Variants in TNFAIP2 observed in about 807,000 individuals in gnomAD.
The protein encoded by TNFAIP2 is tumor necrosis factor alpha-induced protein 2.
Under a neutral mutation model 63.5 loss-of-function variants are expected in TNFAIP2, and 47 were observed. The observed-to-expected ratio is 0.74, with a 90% confidence interval of 0.59 to 0.94. TNFAIP2 has a LOEUF of 0.94. Ranked by LOEUF, TNFAIP2 falls within the 40% of genes least tolerant of loss-of-function variation. The pLI is 0.00. For synonymous variants in TNFAIP2, 405 were observed against 390.2 expected (o/e 1.04, Z -0.45); for missense variants, 787 against 850.2 (o/e 0.93, Z 0.92).
Position 103,135,727 on chromosome 14 carries a change from T to C in TNFAIP2, c.*367T>C. Reference sequence around the variant, plus strand: ...GCCCCTCCACAGTCGGCCTCATGACTGTCCTCCTCGTGGGTGGGGCCGAGG... The same window carrying C: ...GCCCCTCCACAGTCGGCCTCATGACCGTCCTCCTCGTGGGTGGGGCCGAGG... On this transcript the variant is annotated 3_prime_UTR_variant, in exon 12 of 12. Coordinates refer to ENST00000560869, the MANE Select transcript of TNFAIP2 (RefSeq NM_006291.4). The surrounding 1 kb of genome is among the most constrained non-coding windows in gnomAD (Gnocchi z 7.6). 1 of 1,253,582 alleles carries C rather than the reference T, an allele frequency of 8.0e-7. No individual in the cohort carries two copies. The highest frequency in any genetic ancestry group is 1.0e-6 in the Non-Finnish European group (1 of 976,724). The allele number at this position is 1,253,582 out of a possible 1,614,324, so 77.7% of individuals were successfully genotyped here. A position where few individuals can be genotyped will look rare whatever the true frequency, so the allele number is the denominator to read the frequency against.
upstream of TNFAIP2, among the ~76,000 whole-genome samples, chr14:103,122,178 C>CATCCTGGCGGCCTCCT (rs1891133120): frequency 6.6e-6 from 1 of 151,956 alleles, no homozygotes; most frequent in Non-Finnish European, 1.5e-5. Flanking sequence ...GGCGGCCTCC[C>CATCCTGGCGGCCTCCT]GCATCCGCTC....
rs200141678 is a variant in TNFAIP2, at chr14:103,133,425, C to T, written c.1609C>T (p.Arg537Cys). 189 of 1,613,944 alleles carry T rather than the reference C, an allele frequency of 1.2e-4. No homozygotes were observed. Among genetic ancestry groups the T allele is most frequent in the Admixed American group, 7.0e-4 (42 of 60,032 alleles). The change falls in exon 10 of 12, where the codon CGC becomes TGC. Residue 537 changes from arginine (R) to cysteine (C), a missense_variant. Physicochemically the swap from Arg to Cys is radical, Grantham distance 180. Coordinates refer to ENST00000560869, the MANE Select transcript of TNFAIP2 (RefSeq NM_006291.4). ...KEYIIQLSKG[R>C]LVLKTAEQQQ... ...GTACATCATCCAACTCAGCAAGGGG[C>T]GCCTGGTCCTCAAGACGGCCGAGCA... is the stretch of plus-strand genomic sequence containing the variant.
At chr14:103,130,626 G>A (rs547840377) in intron 6 of TNFAIP2, among the ~76,000 whole-genome samples, 2 of 152,226 alleles carry the variant, frequency 1.3e-5, no homozygotes, top group East Asian at 3.9e-4. Flanking sequence ...AGCCTCTTGC[G>A]CCCACCCCAT....
At chr14:103,130,158 C>T (rs370398255) in intron 5 of TNFAIP2, 34 bp downstream of exon 5, 4 of 1,599,552 alleles carry the variant, frequency 2.5e-6, no homozygotes, top group Non-Finnish European at 3.4e-6. Context: ...CACGTACCGC[C>T]CGTGCACGTG....
In TNFAIP2 at chr14:103,135,562, G is replaced by T; in HGVS notation, c.*202G>T. The T allele has an allele frequency of 1.4e-6, 2 of 1,429,680 alleles. No homozygotes were observed. Among genetic ancestry groups the T allele is most frequent in the Admixed American group, 2.9e-5 (1 of 34,506 alleles). 88.6% of individuals were successfully genotyped at this position (1,429,680 alleles called of 1,614,324 possible). On this transcript the variant is annotated 3_prime_UTR_variant, in exon 12 of 12. Coordinates refer to ENST00000560869, the MANE Select transcript of TNFAIP2 (RefSeq NM_006291.4). This position sits in a 1 kb window ranked among gnomAD's most constrained non-coding sequence, Gnocchi z 7.6. ...TGGTTTGTTTACATGTCCGATGGGG[G>T]CAGGAGCTCCCATCCTGGGCAGCCA... is the stretch of plus-strand genomic sequence containing the variant.
Position 103,127,714 on chromosome 14 carries a change from C to G in TNFAIP2, c.860+85C>G. On this transcript the variant is annotated intron_variant, in intron 3 of 11. Transcript: ENST00000560869. The surrounding 1 kb of genome is among the most constrained non-coding windows in gnomAD (Gnocchi z 5.1). ...GTCGAGGGGTGTCGAGGTGTGCCGC[C>G]GGCAGCTTTTAGTGAGGTCGGTGTT... 10 of 1,376,536 alleles carry G rather than the reference C, an allele frequency of 7.3e-6. No individual in the cohort carries two copies. The highest frequency in any genetic ancestry group is 9.4e-6 in the Non-Finnish European group (10 of 1,062,152). The allele number at this position is 1,376,536 out of a possible 1,614,324, so 85.3% of individuals were successfully genotyped here.
intron 11 of TNFAIP2, 114 bp downstream of exon 11, chr14:103,133,917 A>T (rs1022812399): frequency 1.5e-6 from 2 of 1,344,838 alleles, no homozygotes; most frequent in Non-Finnish European, 2.0e-6. Context: ...TCACTGTGTG[A>T]ACCTCACCAG....
chr14:103,121,896 G>A (rs897700789), upstream of TNFAIP2, among the ~76,000 whole-genome samples: 5 of 151,534 alleles, frequency 3.3e-5, no homozygotes, highest in African/African-American at 1.2e-4. Context: ...TGAGGGGGTG[G>A]GGTGGGGGAA....
intron 1 of TNFAIP2, among the ~76,000 whole-genome samples, chr14:103,124,983 C>T (rs948105338): frequency 6.6e-6 from 1 of 152,156 alleles, no homozygotes. Flanking sequence ...GTGGAGGCAG[C>T]GGGGCCATGG....
In TNFAIP2 at chr14:103,131,900, C is replaced by T. The variant is rs1035396552; in HGVS notation, c.1422+138C>T. Reference sequence around the variant, plus strand: ...CCAGGCCTGTGGACGGCACCGTGGGCCAGCTCTGGTGCAGCGGTGATGCCC... The same window carrying T: ...CCAGGCCTGTGGACGGCACCGTGGGTCAGCTCTGGTGCAGCGGTGATGCCC... On this transcript the variant is annotated intron_variant, in intron 8 of 11. Coordinates refer to ENST00000560869, the MANE Select transcript of TNFAIP2 (RefSeq NM_006291.4). This position sits in a 1 kb window ranked among gnomAD's most constrained non-coding sequence, Gnocchi z 4.0. The T allele has an allele frequency of 1.6e-6, 2 of 1,266,988 alleles. No homozygotes were observed. The highest frequency in any genetic ancestry group is 2.1e-6 in the Non-Finnish European group (2 of 940,576). 78.5% of individuals were successfully genotyped at this position (1,266,988 alleles called of 1,614,324 possible). A position where few individuals can be genotyped will look rare whatever the true frequency, so the allele number is the denominator to read the frequency against.
chr14:103,135,361 C>A lies in TNFAIP2; in HGVS notation c.*1C>A. 6.2e-7 allele frequency: 1 copy of A among 1,601,398 alleles called. No individual in the cohort carries two copies. ...ATTTTCCCTTATAAAGGTTGGTTAG[C>A]TTTTCCTGTGGCCTGACCTGCCTGT... On this transcript the variant is annotated 3_prime_UTR_variant, in exon 12 of 12. Coordinates refer to ENST00000560869, the MANE Select transcript of TNFAIP2 (RefSeq NM_006291.4). This position sits in a 1 kb window ranked among gnomAD's most constrained non-coding sequence, Gnocchi z 7.6.
At position 103,129,824 on chromosome 14, in the gene TNFAIP2, G is replaced by T. The variant is rs779933880; in HGVS notation, c.945G>T (p.Leu315=). ...GSLLPPRQIR[L]LEATFLSSEA... ...TCCTGCCCCCCAGGCAGATCCGACT[G>T]CTGGAGGCCACATTCCTGTCCAGTG... is the stretch of plus-strand genomic sequence containing the variant. Residue 315 remains leucine (L), a synonymous_variant, in exon 4 of 12, where the codon CTG becomes CTT. Transcript: ENST00000560869. 3 of 1,614,044 alleles carry T rather than the reference G, an allele frequency of 1.9e-6. No individual in the cohort carries two copies. Among genetic ancestry groups the T allele is most frequent in the Non-Finnish European group, 2.5e-6 (3 of 1,179,958 alleles).
rs1289995107 is a variant in TNFAIP2 at position 103,126,960 on chromosome 14, G to A, written c.236-45G>A. ...CTTGGCGCTGGCCGCCCCGCCCGGT[G>A]GGCGGTGGGCTGGGGCCGGGGCTGA... On this transcript the variant is annotated intron_variant, in intron 2 of 11. Coordinates refer to ENST00000560869, the MANE Select transcript of TNFAIP2 (RefSeq NM_006291.4). 1.1e-5 allele frequency: 14 copies of A among 1,272,926 alleles called. 1 individual carries two copies. The highest frequency in any genetic ancestry group is 4.1e-5 in the Admixed American group (1 of 24,526). 78.9% of individuals were successfully genotyped at this position (1,272,926 alleles called of 1,614,324 possible). A position where few individuals can be genotyped will look rare whatever the true frequency, so the allele number is the denominator to read the frequency against.
intron 11 of TNFAIP2, among the ~76,000 whole-genome samples, chr14:103,134,634 A>G (rs1028336060): frequency 7.5e-6 from 1 of 133,224 alleles, no homozygotes; most frequent in African/African-American, 3.0e-5. Flanking sequence ...CCATGCTCCC[A>G]TCCCTCCACC....
upstream of TNFAIP2, chr14:103,122,664 T>A (rs895819741): frequency 2.2e-6 from 1 of 455,996 alleles, no homozygotes; most frequent in Admixed American, 2.3e-5. Flanking sequence ...CTGCGCTGAA[T>A]GGGCAAAGCC....
chr14:103,132,661 G>A (rs1469262788), intron 8 of TNFAIP2, 89 bp from the exon 9 acceptor site: 1 of 1,525,378 alleles, frequency 6.6e-7, no homozygotes, highest in East Asian at 2.4e-5. Context: ...ATGTGTCGGT[G>A]TGTGTCTGTG....
In TNFAIP2 at chr14:103,136,446, G is replaced by T. The variant is rs187141897; in HGVS notation, c.*1086G>T. The stretch of plus-strand genomic sequence containing the variant: ...TTGACTTCAGGCTCCTCCATCTTCA[G>T]AGCCAGCTGTGGGTAGTTGAATCTT... On this transcript the variant is annotated 3_prime_UTR_variant, in exon 12 of 12. Coordinates refer to ENST00000560869, the MANE Select transcript of TNFAIP2 (RefSeq NM_006291.4). The T allele has an allele frequency of 6.6e-6, 1 of 152,434 alleles. No homozygotes were observed. Among genetic ancestry groups the T allele is most frequent in the Admixed American group, 6.5e-5 (1 of 15,288 alleles). 9.4% of individuals were successfully genotyped at this position (152,434 alleles called of 1,614,324 possible).
Position 103,131,025 on chromosome 14 carries a change from T to G in TNFAIP2, c.1200-27T>G. 2.5e-6 allele frequency: 4 copies of G among 1,612,226 alleles called. No individual in the cohort carries two copies. Among genetic ancestry groups the G allele is most frequent in the Non-Finnish European group, 3.4e-6 (4 of 1,178,508 alleles). ...GTGGTCCCAGTGTTTGGGCTGGTCC[T>G]GAATGTGCCCCTTCTGGTTTCGCCA... On this transcript the variant is annotated intron_variant, in intron 6 of 11. Transcript: ENST00000560869. This position sits in a 1 kb window ranked among gnomAD's most constrained non-coding sequence, Gnocchi z 4.0.
rs1380923582 is a variant in TNFAIP2, at chr14:103,127,207, G to A, written c.438G>A (p.Ala146=). ...VLGVLRRPLE[A]PPERLRQALA... ...GCGTGCTGCGGCGGCCGCTGGAGGC[G>A]CCGCCCGAGCGGCTGCGCCAGGCGC... The change falls in exon 3 of 12, where the codon GCG becomes GCA. Residue 146 remains alanine (A), a synonymous_variant. Transcript: ENST00000560869. The surrounding 1 kb of genome is among the most constrained non-coding windows in gnomAD (Gnocchi z 5.1). The A allele has an allele frequency of 1.8e-6, 2 of 1,112,724 alleles. No individual in the cohort carries two copies. The highest frequency in any genetic ancestry group is 2.2e-6 in the Non-Finnish European group (2 of 907,680). The allele number at this position is 1,112,724 out of a possible 1,614,324, so 68.9% of individuals were successfully genotyped here.
Sources: gnomAD v4.1 joint callset for allele counts (sites outside exome capture counted in the v4.1 genomes callset) on GRCh38, gnomAD v4.1.1 for gene constraint, Gnocchi (gnomAD v3.1) non-coding constraint, MANE v1.5 for transcripts, NCBI Gene and HGNC (gene_info 2026-07-23, HGNC 2026-07-21) for gene names.